PCDHGB2: variants seen among roughly 807,000 people sequenced by gnomAD.
PCDHGB2 encodes the protein protocadherin gamma subfamily B, 2, also known as protocadherin gamma-B2.
A neutral mutation model predicts 59.3 loss-of-function variants in PCDHGB2; 55 were observed. The observed-to-expected ratio is 0.93, with a 90% confidence interval of 0.75 to 1.16. The LOEUF (loss-of-function observed/expected upper bound fraction) is 1.16. Ranked by LOEUF, PCDHGB2 falls within the 50% of genes most tolerant of loss-of-function variation. PCDHGB2 has a pLI of 0.00. For missense variants in PCDHGB2, 1,228 were observed against 1,198.5 expected (o/e 1.02, Z -0.36); for synonymous variants, 516 against 512.0 (o/e 1.01, Z -0.11).
At chr5:141,504,502 G>A (rs2099838821) in intron 2 of PCDHGB2, among the ~76,000 whole-genome samples, 1 of 152,128 alleles carries the variant, frequency 6.6e-6, no homozygotes, top group Non-Finnish European at 1.5e-5. Context: ...CCCAGTCTGA[G>A]TGGATCTCCT....
chr5:141,362,372 G>C lies in PCDHGB2; in HGVS notation c.2237G>C (p.Gly746Ala). Residue 746 changes from glycine (G) to alanine (A), a missense_variant, in exon 1 of 4, where the codon GGT becomes GCT. This residue lies in a region of PCDHGB2 where 433 missense variants were observed against 441.8 expected (regional missense o/e 0.98). Coordinates refer to ENST00000522605, the MANE Select transcript of PCDHGB2 (RefSeq NM_018923.3). ...GGGGTTCTCCCCAATTACAGTGAGG[G>C]TACATTGCCCTATTCCTACAACCTG... is the stretch of plus-strand genomic sequence containing the variant. ...GPGVLPNYSE[G>A]TLPYSYNLCV... The C allele has an allele frequency of 1.2e-6, 2 of 1,614,054 alleles. No homozygotes were observed. The highest frequency in any genetic ancestry group is 1.7e-6 in the Non-Finnish European group (2 of 1,179,902).
intron 1 of PCDHGB2, chr5:141,408,068 C>G: frequency 7.3e-7 from 1 of 1,367,282 alleles, no homozygotes; most frequent in Non-Finnish European, 9.7e-7. Flanking sequence ...GCTGCGCAGA[C>G]CTTTCCCAGC....
intron 1 of PCDHGB2, among the ~76,000 whole-genome samples, chr5:141,368,562 A>G (rs1765727979): frequency 6.6e-6 from 1 of 152,144 alleles, no homozygotes; most frequent in African/African-American, 2.4e-5. Flanking sequence ...AGAAAATGTT[A>G]TATGCTTCTT....
chr5:141,486,644 T>G lies in PCDHGB2; in HGVS notation c.2422-8163T>G, dbSNP rs765487821. ...AGACTCTGGCTTGAATGCGCTTATC[T>G]CCTACTCACTCCTGGAGCCCAGGAA... On this transcript the variant is annotated intron_variant, in intron 1 of 3. Transcript: ENST00000522605. This position sits in a 1 kb window ranked among gnomAD's most constrained non-coding sequence, Gnocchi z 5.0. 9.3e-6 allele frequency: 15 copies of G among 1,613,722 alleles called. 2 individuals carry two copies. The Middle Eastern group carries it at 6.6e-4, about 71-fold the overall frequency.
chr5:141,409,883 C>CGGGTGCTGTACCCAGCTCT, intron 1 of PCDHGB2: 1 of 1,612,988 alleles, frequency 6.2e-7, no homozygotes, highest in Non-Finnish European at 8.5e-7. Context: ...CAACGCACCG[C>CGGGTGCTGTACCCAGCTCT]GGGTGCTGTA....
In PCDHGB2 at chr5:141,443,822, A is replaced by G. The variant is rs183934410; in HGVS notation, c.2422-50985A>G. ...GAAACAGTTACCTTTGGAAAACATAATTAGGTAAAATGGGTAATATGGAAA... is the reference window on the plus strand; with the variant it reads ...GAAACAGTTACCTTTGGAAAACATAGTTAGGTAAAATGGGTAATATGGAAA... On this transcript the variant is annotated intron_variant, in intron 1 of 3. Coordinates refer to ENST00000522605, the MANE Select transcript of PCDHGB2 (RefSeq NM_018923.3). Among the ~76,000 whole-genome samples, 330 of 152,316 alleles carry G rather than the reference A, an allele frequency of 2.2e-3. 2 individuals carry two copies. Among genetic ancestry groups the G allele is most frequent in the Non-Finnish European group, 4.1e-3 (279 of 68,018 alleles).
chr5:141,428,368 C>T, intron 1 of PCDHGB2: 1 of 545,002 alleles, frequency 1.8e-6, no homozygotes, highest in Non-Finnish European at 3.4e-6. Context: ...GGTCGCCTTG[C>T]ACCTGCGATG....
intron 1 of PCDHGB2, among the ~76,000 whole-genome samples, chr5:141,443,323 A>AG (rs1262238603): frequency 1.3e-5 from 2 of 151,732 alleles, no homozygotes; most frequent in African/African-American, 4.9e-5. Context: ...TCTACAAAAA[A>AG]AAAAAACAAA....
At chr5:141,435,446 G>C (rs889481920) in intron 1 of PCDHGB2, among the ~76,000 whole-genome samples, 5 of 152,060 alleles carry the variant, frequency 3.3e-5, no homozygotes, top group African/African-American at 2.4e-5. Context: ...TCATTAATAC[G>C]ATATCTGTAT....
chr5:141,481,351 A>G (rs2099536232), intron 1 of PCDHGB2, among the ~76,000 whole-genome samples: 1 of 152,152 alleles, frequency 6.6e-6, no homozygotes, highest in Non-Finnish European at 1.5e-5. Context: ...TTAAACATCT[A>G]CAGCTGTTCA....
At chr5:141,383,892 A>C (rs775731680) in intron 1 of PCDHGB2, 120 of 1,613,900 alleles carry the variant, frequency 7.4e-5, no homozygotes, top group Non-Finnish European at 9.4e-5. Flanking sequence ...TGACAAAGGC[A>C]AAAGTACTGA....
chr5:141,363,649 G>T (rs1045125812), intron 1 of PCDHGB2, among the ~76,000 whole-genome samples: 1 of 152,184 alleles, frequency 6.6e-6, no homozygotes, highest in East Asian at 1.9e-4. Flanking sequence ...AAGTAACAAA[G>T]ATCTTTATTT....
At chr5:141,374,879 G>A in intron 1 of PCDHGB2, 1 of 1,613,694 alleles carries the variant, frequency 6.2e-7, no homozygotes, top group Non-Finnish European at 8.5e-7. Flanking sequence ...GGCAGTGACT[G>A]CCACCGACCA....
intron 1 of PCDHGB2, among the ~76,000 whole-genome samples, chr5:141,453,065 G>A (rs1308047230): frequency 3.3e-5 from 5 of 151,960 alleles, no homozygotes; most frequent in African/African-American, 1.2e-4. Flanking sequence ...TTAGAGTTTT[G>A]CCACACTCTG....
intron 1 of PCDHGB2, chr5:141,410,443 T>A (rs1207487083): frequency 6.2e-7 from 1 of 1,613,926 alleles, no homozygotes; most frequent in Non-Finnish European, 8.5e-7. Context: ...GTGAGGGGAC[T>A]TTGCCTTATT....
At position 141,500,368 on chromosome 5, in the gene PCDHGB2, C is replaced by T. The variant is rs181410708; in HGVS notation, c.2481-5025C>T. Among the ~76,000 whole-genome samples, 364 of 152,050 alleles carry T rather than the reference C, an allele frequency of 2.4e-3. 3 individuals carry two copies. The highest frequency in any genetic ancestry group is 9.2e-3 in the Admixed American group (140 of 15,274). ...GGACTACAGGCGCCCACTACCACGCCCGGCTAATTATTTTGTATTTTTAGT... is the reference window on the plus strand; with the variant it reads ...GGACTACAGGCGCCCACTACCACGCTCGGCTAATTATTTTGTATTTTTAGT... On this transcript the variant is annotated intron_variant, in intron 2 of 3. Transcript: ENST00000522605.
intron 1 of PCDHGB2, chr5:141,383,233 G>T: frequency 6.2e-7 from 1 of 1,613,972 alleles, no homozygotes. Flanking sequence ...CCTGATGGAA[G>T]ATAAAATGAA....
At chr5:141,414,916 C>T in intron 1 of PCDHGB2, 2 of 1,614,194 alleles carry the variant, frequency 1.2e-6, no homozygotes, top group Non-Finnish European at 1.7e-6. Context: ...AGGCGTGGAG[C>T]TGGCGCCCCG....
chr5:141,432,281 A>C lies in PCDHGB2; in HGVS notation c.2422-62526A>C, dbSNP rs1313887209. 1 of 1,614,188 alleles carries C rather than the reference A, an allele frequency of 6.2e-7. No individual in the cohort carries two copies. The highest frequency in any genetic ancestry group is 1.1e-5 in the South Asian group (1 of 91,084). On this transcript the variant is annotated intron_variant, in intron 1 of 3. Coordinates refer to ENST00000522605, the MANE Select transcript of PCDHGB2 (RefSeq NM_018923.3). The surrounding 1 kb of genome is among the most constrained non-coding windows in gnomAD (Gnocchi z 6.0). The stretch of plus-strand genomic sequence containing the variant: ...AAGCCTATCGTCCTACGTGTCCATC[A>C]ACTCCGACACTGGGGTACTGTATGC...
Sources: allele counts gnomAD v4.1 joint callset (sites outside exome capture counted in the v4.1 genomes callset), GRCh38; gene constraint gnomAD v4.1.1; regional missense constraint gnomAD v4.1.1; non-coding constraint Gnocchi (gnomAD v3.1); transcripts MANE v1.5; gene names NCBI Gene and HGNC (gene_info 2026-07-23, HGNC 2026-07-21).